The following BCAS1 variants were observed in gnomAD, a reference collection of about 807,000 sequenced individuals.
BCAS1 encodes breast carcinoma-amplified sequence 1.
BCAS1 carries 46 observed loss-of-function variants against 65.4 expected under a neutral mutation model. That is an observed-to-expected ratio of 0.70 (90% confidence interval 0.55 to 0.90). The LOEUF (loss-of-function observed/expected upper bound fraction) is 0.90. Ranked by LOEUF, BCAS1 falls within the 40% of genes least tolerant of loss-of-function variation. The pLI is 0.00. For synonymous variants in BCAS1, 298 were observed against 293.5 expected (o/e 1.02, Z -0.16); for missense variants, 793 against 771.2 (o/e 1.03, Z -0.33).
At chr20:54,004,295 C>A (rs1361330377) in intron 4 of BCAS1, among the ~76,000 whole-genome samples, 5 of 152,196 alleles carry the variant, frequency 3.3e-5, no homozygotes, top group Non-Finnish European at 7.3e-5. Flanking sequence ...AAGAACCCAA[C>A]CATGCTGGCA....
intron 11 of BCAS1, among the ~76,000 whole-genome samples, chr20:53,955,273 C>T (rs1405904947): frequency 1.3e-5 from 2 of 152,224 alleles, no homozygotes; most frequent in African/African-American, 4.8e-5. Flanking sequence ...AAAGAAGCAA[C>T]AGGCATCCAG....
chr20:54,060,142 C>T (rs932523421), intron 1 of BCAS1, among the ~76,000 whole-genome samples: 25 of 152,202 alleles, frequency 1.6e-4, no homozygotes, highest in Non-Finnish European at 7.4e-5. Context: ...CTCTCTGCCC[C>T]TTGTAGCTGT....
intron 4 of BCAS1, among the ~76,000 whole-genome samples, chr20:54,025,567 T>C (rs1203442706): frequency 6.6e-6 from 1 of 152,062 alleles, no homozygotes; most frequent in African/African-American, 2.4e-5. Flanking sequence ...CAGGATGAAA[T>C]GGTGGCATCT....
intron 12 of BCAS1, among the ~76,000 whole-genome samples, chr20:53,946,762 T>C (rs1417444748): frequency 4.0e-5 from 6 of 151,472 alleles, no homozygotes; most frequent in African/African-American, 1.2e-4. Context: ...ATGTACAATA[T>C]AGTATGATAT....
chr20:54,053,585 C>A (rs2092252832), intron 3 of BCAS1, among the ~76,000 whole-genome samples: 1 of 152,248 alleles, frequency 6.6e-6, no homozygotes, highest in Non-Finnish European at 1.5e-5. Flanking sequence ...CAATGGCAGT[C>A]TTTATGTCAA....
At chr20:54,054,291 G>T (rs1213974331) in intron 3 of BCAS1, among the ~76,000 whole-genome samples, 1 of 152,092 alleles carries the variant, frequency 6.6e-6, no homozygotes, top group Admixed American at 6.5e-5. Context: ...TGTAATTTTT[G>T]TAAGTAGGAA....
intron 4 of BCAS1, among the ~76,000 whole-genome samples, chr20:54,004,021 G>GCA (rs1357213501): frequency 6.6e-6 from 1 of 152,152 alleles, no homozygotes; most frequent in Non-Finnish European, 1.5e-5. Context: ...GTATGTCCGC[G>GCA]CACACACACA....
intron 4 of BCAS1, among the ~76,000 whole-genome samples, chr20:54,019,211 G>A (rs1171209135): frequency 1.3e-5 from 2 of 152,056 alleles, no homozygotes; most frequent in Admixed American, 6.6e-5. Context: ...CTAGCTCAAC[G>A]TTCTCTAGAA....
intron 3 of BCAS1, among the ~76,000 whole-genome samples, chr20:54,048,553 G>A (rs901042095): frequency 2.6e-5 from 4 of 152,166 alleles, no homozygotes; most frequent in Non-Finnish European, 4.4e-5. Context: ...CCTGCTTTTG[G>A]ATCCCATGAT....
intron 3 of BCAS1, among the ~76,000 whole-genome samples, chr20:54,043,567 C>G (rs1714890538): frequency 6.6e-6 from 1 of 152,048 alleles, no homozygotes; most frequent in Admixed American, 6.6e-5. Context: ...TGTGTGGAGC[C>G]CTATAAACAA....
At chr20:53,956,255 T>C (rs992995667) in intron 11 of BCAS1, among the ~76,000 whole-genome samples, 2 of 152,020 alleles carry the variant, frequency 1.3e-5, no homozygotes, top group Admixed American at 1.3e-4. Flanking sequence ...AGTGTCCTTA[T>C]AAGAAGAGAC....
chr20:54,016,061 T>C (rs1022305025), intron 4 of BCAS1, among the ~76,000 whole-genome samples: 1 of 152,238 alleles, frequency 6.6e-6, no homozygotes, highest in African/African-American at 2.4e-5. Flanking sequence ...AAGGCAGAGA[T>C]CATTTTTACC....
intron 12 of BCAS1, among the ~76,000 whole-genome samples, chr20:53,949,252 AC>A (rs2089437366): frequency 1.3e-5 from 2 of 152,190 alleles, no homozygotes; most frequent in African/African-American, 4.8e-5. Flanking sequence ...TCTTTTGTAA[AC>A]AAAAAAGTCC....
At chr20:53,969,659 C>T (rs2090129200) in intron 9 of BCAS1, among the ~76,000 whole-genome samples, 1 of 152,144 alleles carries the variant, frequency 6.6e-6, no homozygotes, top group Non-Finnish European at 1.5e-5. Flanking sequence ...CACAATATCT[C>T]TAACAACTTT....
At chr20:53,955,648 C>T (rs144975510) in intron 11 of BCAS1, among the ~76,000 whole-genome samples, 138 of 152,164 alleles carry the variant, frequency 9.1e-4, no homozygotes, top group Middle Eastern at 3.4e-3. Context: ...TCTATGGGAG[C>T]AATAAAAGAA....
chr20:54,033,707 G>A (rs444616), intron 3 of BCAS1, among the ~76,000 whole-genome samples: 106,901 of 150,666 alleles, frequency 0.71, 39,548 homozygotes, highest in East Asian at 0.89. Context: ...TCACAGGTAA[G>A]TTCTACCAGT....
chr20:53,945,332 G>T (rs913087277), intron 12 of BCAS1, among the ~76,000 whole-genome samples: 2 of 151,858 alleles, frequency 1.3e-5, no homozygotes, highest in African/African-American at 2.4e-5. Flanking sequence ...GTACCTAGGG[G>T]GTACTAATTC....
chr20:54,034,806 G>C (rs1481203705), intron 3 of BCAS1, among the ~76,000 whole-genome samples: 4 of 151,166 alleles, frequency 2.6e-5, no homozygotes, highest in African/African-American at 9.7e-5. Context: ...ATAGAACCCA[G>C]AAAAGAGCCT....
chr20:54,010,566 A>G (rs751841911), intron 4 of BCAS1, among the ~76,000 whole-genome samples: 1 of 152,218 alleles, frequency 6.6e-6, no homozygotes, highest in Non-Finnish European at 1.5e-5. Context: ...TGAAAGCTAT[A>G]TAATGCTAAT....
Sources: allele counts gnomAD v4.1 joint callset (sites outside exome capture counted in the v4.1 genomes callset), GRCh38; gene constraint gnomAD v4.1.1; transcripts MANE v1.5; gene names NCBI Gene and HGNC (gene_info 2026-07-23, HGNC 2026-07-21).